The following PTPRO variants were observed in gnomAD, a reference collection of about 807,000 sequenced individuals.
The protein encoded by PTPRO is protein tyrosine phosphatase receptor type O.
In PTPRO, 62 loss-of-function variants were observed where a neutral mutation model predicts 145.2. That is an observed-to-expected ratio of 0.43 (90% CI 0.35 to 0.53). PTPRO has a LOEUF of 0.53. Ranked by LOEUF, PTPRO falls within the 20% of genes least tolerant of loss-of-function variation. The pLI is 0.01. For missense variants in PTPRO, 1,345 were observed against 1,482.7 expected (o/e 0.91, Z 1.53); for synonymous variants, 565 against 514.7 (o/e 1.10, Z -1.32).
At chr12:15,555,890 T>C (rs1943608981) in intron 15 of PTPRO, among the ~76,000 whole-genome samples, 1 of 152,234 alleles carries the variant, frequency 6.6e-6, no homozygotes, top group African/African-American at 2.4e-5. Flanking sequence ...TTTTAATTAG[T>C]ATATTCAATG....
intron 1 of PTPRO, among the ~76,000 whole-genome samples, chr12:15,365,326 G>A (rs1391102529): frequency 1.3e-5 from 2 of 151,960 alleles, no homozygotes; most frequent in East Asian, 3.9e-4. Flanking sequence ...AGAAAACTTT[G>A]TTTTCAAAAA....
chr12:15,329,428 A>C (rs1866544472), intron 1 of PTPRO, among the ~76,000 whole-genome samples: 2 of 152,156 alleles, frequency 1.3e-5, no homozygotes, highest in South Asian at 4.1e-4. Flanking sequence ...ATTTTGATAA[A>C]CTCTAGTATT....
intron 10 of PTPRO, among the ~76,000 whole-genome samples, chr12:15,522,424 C>T (rs1328942492): frequency 1.3e-5 from 2 of 151,496 alleles, no homozygotes; most frequent in Admixed American, 6.6e-5. Context: ...CTTGCCCCCA[C>T]CCCCCGACAG....
rs534847142 is a variant in PTPRO, at chr12:15,432,647, G to A, written c.76-51327G>A. Reference sequence around the variant, plus strand: ...AATGTATAAGTATTCCCTTTTCTCCGCAACCTTGCCAGTATCTGTTATTTT... The same window carrying A: ...AATGTATAAGTATTCCCTTTTCTCCACAACCTTGCCAGTATCTGTTATTTT... On this transcript the variant is annotated intron_variant, in intron 1 of 26. Coordinates refer to ENST00000281171, the MANE Select transcript of PTPRO (RefSeq NM_030667.3). 3.1e-4 allele frequency among the ~76,000 whole-genome samples: 47 copies of A among 152,170 alleles called. No homozygotes were observed. In the South Asian group the frequency reaches 9.1e-3, roughly 30 times the overall value.
intron 1 of PTPRO, among the ~76,000 whole-genome samples, chr12:15,360,058 C>T (rs1211025563): frequency 1.3e-5 from 2 of 152,178 alleles, no homozygotes; most frequent in Non-Finnish European, 2.9e-5. Flanking sequence ...ATCAACTTAT[C>T]GCAGAGATTA....
intron 1 of PTPRO, among the ~76,000 whole-genome samples, chr12:15,448,338 G>GAAAAAAAAAAAAAAAAAAAA (rs1565635275): frequency 2.6e-4 from 1 of 3,866 alleles, no homozygotes. Context: ...CCTGTTCCTA[G>GAAAAAAAAAAAAAAAAAAAA]TAAAAAAAAA....
intron 1 of PTPRO, among the ~76,000 whole-genome samples, chr12:15,403,593 A>G (rs1410157620): frequency 1.3e-5 from 2 of 152,052 alleles, no homozygotes; most frequent in African/African-American, 2.4e-5. Flanking sequence ...AAAAACATAC[A>G]AACAAAAAAT....
intron 10 of PTPRO, among the ~76,000 whole-genome samples, chr12:15,524,194 TTCTC>T (rs1006736274): frequency 2.0e-5 from 3 of 151,662 alleles, no homozygotes; most frequent in Non-Finnish European, 4.4e-5. Context: ...CTTCCCTTCT[TTCTC>T]TCTCTCACTA....
At chr12:15,556,023 G>T (rs983530667) in intron 15 of PTPRO, among the ~76,000 whole-genome samples, 9 of 152,092 alleles carry the variant, frequency 5.9e-5, no homozygotes, top group Non-Finnish European at 8.8e-5. Flanking sequence ...CATCCATGTG[G>T]ATATTCTGAT....
intron 1 of PTPRO, among the ~76,000 whole-genome samples, chr12:15,358,004 A>C (rs937420231): frequency 1.7e-4 from 25 of 151,472 alleles, no homozygotes; most frequent in African/African-American, 5.3e-4. Flanking sequence ...CAACAATGAT[A>C]GACTGGATTA....
At chr12:15,388,342 A>T (rs1252558043) in intron 1 of PTPRO, among the ~76,000 whole-genome samples, 2 of 152,196 alleles carry the variant, frequency 1.3e-5, no homozygotes, top group Non-Finnish European at 2.9e-5. Flanking sequence ...TATAGAAGAG[A>T]TAGCCACTCA....
chr12:15,463,995 G>A (rs1408146825), intron 1 of PTPRO, among the ~76,000 whole-genome samples: 1 of 152,148 alleles, frequency 6.6e-6, no homozygotes. Flanking sequence ...GTACTATGCT[G>A]TATACTGTGA....
chr12:15,414,174 G>A (rs1424725964), intron 1 of PTPRO, among the ~76,000 whole-genome samples: 3 of 152,158 alleles, frequency 2.0e-5, no homozygotes, highest in African/African-American at 2.4e-5. Flanking sequence ...CACGACATAC[G>A]TTTAGAAAGG....
intron 6 of PTPRO, among the ~76,000 whole-genome samples, chr12:15,508,047 A>G (rs943100103): frequency 1.3e-5 from 2 of 152,168 alleles, no homozygotes; most frequent in Admixed American, 6.5e-5. Flanking sequence ...CCCAGGTTTT[A>G]GCCAGCTTCT....
At chr12:15,563,418 A>C (rs539022030) in intron 17 of PTPRO, among the ~76,000 whole-genome samples, 1 of 152,258 alleles carries the variant, frequency 6.6e-6, no homozygotes, top group South Asian at 2.1e-4. Context: ...TAGCACAGCA[A>C]TTGAAAATGT....
intron 1 of PTPRO, among the ~76,000 whole-genome samples, chr12:15,368,828 A>G (rs1381098849): frequency 7.9e-5 from 12 of 152,218 alleles, no homozygotes; most frequent in Admixed American, 7.9e-4. Flanking sequence ...GGAAGTGCTT[A>G]AGTGGACCTG....
intron 1 of PTPRO, among the ~76,000 whole-genome samples, chr12:15,360,149 T>C (rs1008986217): frequency 2.8e-4 from 42 of 152,228 alleles, no homozygotes; most frequent in African/African-American, 9.9e-4. Context: ...TTACCCTTCT[T>C]AAAATGTATC....
At chr12:15,442,594 C>T (rs1940798991) in intron 1 of PTPRO, among the ~76,000 whole-genome samples, 1 of 152,070 alleles carries the variant, frequency 6.6e-6, no homozygotes, top group African/African-American at 2.4e-5. Context: ...ATTGACAACC[C>T]TAAAGACTCC....
At chr12:15,519,794 A>C (rs1591679244) in intron 9 of PTPRO, among the ~76,000 whole-genome samples, 1 of 152,290 alleles carries the variant, frequency 6.6e-6, no homozygotes, top group Non-Finnish European at 1.5e-5. Context: ...ATTACCCTCT[A>C]CCCAGTTGAA....
Sources: gnomAD v4.1 joint callset for allele counts (sites outside exome capture counted in the v4.1 genomes callset) on GRCh38, gnomAD v4.1.1 for gene constraint, MANE v1.5 for transcripts, NCBI Gene and HGNC (gene_info 2026-07-23, HGNC 2026-07-21) for gene names.